PAPOLG: variants seen among roughly 807,000 people sequenced by gnomAD.
The protein encoded by PAPOLG is PAP-gamma.
PAPOLG carries 40 observed loss-of-function variants against 99.0 expected under a neutral mutation model. The ratio of observed to expected loss-of-function variants is 0.40; its 90% CI spans 0.31 to 0.53. The LOEUF (loss-of-function observed/expected upper bound fraction) is 0.53, where lower values mean the gene tolerates loss of function less well. Among genes scored for constraint, PAPOLG ranks in the 20% least tolerant of loss-of-function variants. PAPOLG has a pLI of 0.41. For missense variants in PAPOLG, 675 were observed against 884.1 expected (o/e 0.76, Z 3.00); for synonymous variants, 310 against 299.3 (o/e 1.04, Z -0.37).
At chr2:60,789,816 G>A (rs559056582) in intron 15 of PAPOLG, among the ~76,000 whole-genome samples, 5 of 152,196 alleles carry the variant, frequency 3.3e-5, no homozygotes, top group East Asian at 1.9e-4. Context: ...CTGGCTGGGC[G>A]TGGTGGCTCA....
chr2:60,785,264 A>G (rs983460890), intron 13 of PAPOLG, among the ~76,000 whole-genome samples: 1 of 151,904 alleles, frequency 6.6e-6, no homozygotes, highest in African/African-American at 2.4e-5. Flanking sequence ...TCAGCCTGGC[A>G]AGCAGCTGGG....
chr2:60,763,594 C>G (rs1318634136), intron 3 of PAPOLG, among the ~76,000 whole-genome samples: 2 of 152,160 alleles, frequency 1.3e-5, no homozygotes, highest in East Asian at 3.8e-4. Context: ...GCCTCTACCT[C>G]CCAGGTTCAA....
In PAPOLG at chr2:60,782,653, C is replaced by CTT. The variant is rs747526129; in HGVS notation, c.1028-9_1028-8dup. ...GTCCCTTTTCAAAATCATTCTTCTTCTTTTTTTTTTTTTTTTTTTTTTTTT... is the reference window on the plus strand; with the variant it reads ...GTCCCTTTTCAAAATCATTCTTCTTCTTTTTTTTTTTTTTTTTTTTTTTTTTT... On this transcript the variant is annotated intron_variant, in intron 11 of 21. Transcript: ENST00000238714. 4.7e-3 allele frequency: 5,014 copies of CTT among 1,059,908 alleles called. 8 individuals are homozygous for CTT. The highest frequency in any genetic ancestry group is 0.012 in the African/African-American group (468 of 37,522). The allele number at this position is 1,059,908 out of a possible 1,614,324, so 65.7% of individuals were successfully genotyped here.
chr2:60,796,656 C>T (rs1671714503), intron 21 of PAPOLG, among the ~76,000 whole-genome samples: 1 of 152,108 alleles, frequency 6.6e-6, no homozygotes, highest in Non-Finnish European at 1.5e-5. Flanking sequence ...AAATTTTTCT[C>T]TACTGCACAC....
rs1057478360 is a variant in PAPOLG, at chr2:60,800,514, G to C, written c.*3354G>C. On this transcript the variant is annotated 3_prime_UTR_variant, in exon 22 of 22. Transcript: ENST00000238714. Reference sequence around the variant, plus strand: ...ATGAATTTTAAAAATCTATGTTAGTGTTTAAAATGAGTGCTTTGTTTTAAA... The same window carrying C: ...ATGAATTTTAAAAATCTATGTTAGTCTTTAAAATGAGTGCTTTGTTTTAAA... 2.6e-5 allele frequency: 4 copies of C among 152,300 alleles called. No homozygotes were observed. The highest frequency in any genetic ancestry group is 9.7e-5 in the African/African-American group (4 of 41,442). The allele number at this position is 152,300 out of a possible 1,614,324, so 9.4% of individuals were successfully genotyped here. A position where few individuals can be genotyped will look rare whatever the true frequency, so the allele number is the denominator to read the frequency against.
rs200012586 is a variant in PAPOLG at position 60,786,683 on chromosome 2, C to T, written c.1167-264C>T. Among the ~76,000 whole-genome samples the T allele has an allele frequency of 5.3e-5, 8 of 152,204 alleles. No homozygotes were observed. In the East Asian group the frequency reaches 1.3e-3, roughly 26 times the overall value. On this transcript the variant is annotated intron_variant, in intron 13 of 21. Coordinates refer to ENST00000238714, the MANE Select transcript of PAPOLG (RefSeq NM_022894.4). ...AGCTGGGATTACAGGCACTCACCAC[C>T]ACACCCAGCTAATTTTTTGTATTTT...
At chr2:60,778,898 G>A (rs568494865) in intron 8 of PAPOLG, among the ~76,000 whole-genome samples, 7 of 151,816 alleles carry the variant, frequency 4.6e-5, no homozygotes, top group East Asian at 1.9e-4. Context: ...TCTTTTGCTC[G>A]CTTGGCGGGA....
Position 60,801,195 on chromosome 2 carries a change from T to A in PAPOLG, c.*4035T>A, listed in dbSNP as rs1222074657. ...ATGAAAACTCTCTTGCTCCTCCATG[T>A]TTGTAGTTCAGGCCAGAACAAACTA... On this transcript the variant is annotated 3_prime_UTR_variant, in exon 22 of 22. Coordinates refer to ENST00000238714, the MANE Select transcript of PAPOLG (RefSeq NM_022894.4). The A allele has an allele frequency of 6.6e-6, 1 of 152,232 alleles. No individual in the cohort carries two copies. Among genetic ancestry groups the A allele is most frequent in the Non-Finnish European group, 1.5e-5 (1 of 68,012 alleles). 9.4% of individuals were successfully genotyped at this position (152,232 alleles called of 1,614,324 possible). A position where few individuals can be genotyped will look rare whatever the true frequency, so the allele number is the denominator to read the frequency against.
At chr2:60,793,391 C>T (rs1433495419) in intron 17 of PAPOLG, among the ~76,000 whole-genome samples, 1 of 151,420 alleles carries the variant, frequency 6.6e-6, no homozygotes, top group Non-Finnish European at 1.5e-5. Context: ...GATCCTGTCT[C>T]CACAAAAATA....
intron 3 of PAPOLG, among the ~76,000 whole-genome samples, chr2:60,763,134 G>A (rs922018478): frequency 6.6e-6 from 1 of 151,648 alleles, no homozygotes; most frequent in Non-Finnish European, 1.5e-5. Context: ...CAGTACAGTG[G>A]CACAGTTACA....
At chr2:60,782,660 T>TC in intron 11 of PAPOLG, 26 bp from the exon 12 acceptor site, 1 of 1,345,300 alleles carries the variant, frequency 7.4e-7, no homozygotes, top group Admixed American at 3.6e-5. Context: ...CTTCTTTTTT[T>TC]TTTTTTTTTT....
At chr2:60,781,772 TGAG>T in intron 10 of PAPOLG, 110 bp from the exon 11 acceptor site, 1 of 1,409,744 alleles carries the variant, frequency 7.1e-7, no homozygotes, top group Non-Finnish European at 9.7e-7. Flanking sequence ...TTCTTAAACT[TGAG>T]GAAATGTAGT....
Position 60,800,742 on chromosome 2 carries a change from T to C in PAPOLG, c.*3582T>C, listed in dbSNP as rs1399156784. On this transcript the variant is annotated 3_prime_UTR_variant, in exon 22 of 22. Coordinates refer to ENST00000238714, the MANE Select transcript of PAPOLG (RefSeq NM_022894.4). Reference sequence around the variant, plus strand: ...AGTTCTAGTTTACATGCATTTTTCTTGGGGAAAGTGCATAGTTTAGATCAG... The same window carrying C: ...AGTTCTAGTTTACATGCATTTTTCTCGGGGAAAGTGCATAGTTTAGATCAG... 1 of 152,210 alleles carries C rather than the reference T, an allele frequency of 6.6e-6. No homozygotes were observed. Among genetic ancestry groups the C allele is most frequent in the East Asian group, 1.9e-4 (1 of 5,246 alleles). The allele number at this position is 152,210 out of a possible 1,614,324, so 9.4% of individuals were successfully genotyped here. A position where few individuals can be genotyped will look rare whatever the true frequency, so the allele number is the denominator to read the frequency against.
At position 60,799,604 on chromosome 2, in the gene PAPOLG, G is replaced by GTTTGT. The variant is rs57528783; in HGVS notation, c.*2477_*2481dup. The GTTTGT allele has an allele frequency of 0.11, 16,240 of 150,264 alleles. 1,141 individuals are homozygous for GTTTGT. Among genetic ancestry groups the GTTTGT allele is most frequent in the African/African-American group, 0.19 (7,896 of 40,696 alleles). 9.3% of individuals were successfully genotyped at this position (150,264 alleles called of 1,614,324 possible). On this transcript the variant is annotated 3_prime_UTR_variant, in exon 22 of 22. Coordinates refer to ENST00000238714, the MANE Select transcript of PAPOLG (RefSeq NM_022894.4). ...ATGATGAGAGGCACTAAGTACATGTGTTTGTTTTGTTTTGTTTTGTTTTGT... is the reference window on the plus strand; with the variant it reads ...ATGATGAGAGGCACTAAGTACATGTGTTTGTTTTGTTTTGTTTTGTTTTGTTTTGT...
chr2:60,793,294 C>T (rs939210958), intron 17 of PAPOLG, among the ~76,000 whole-genome samples: 2 of 147,562 alleles, frequency 1.4e-5, no homozygotes, highest in African/African-American at 5.0e-5. Flanking sequence ...TGGTGGGTCA[C>T]ATCTATAATT....
intron 3 of PAPOLG, among the ~76,000 whole-genome samples, chr2:60,764,459 C>T (rs1164114422): frequency 6.6e-6 from 1 of 151,704 alleles, no homozygotes; most frequent in East Asian, 1.9e-4. Flanking sequence ...CTCTGTCACC[C>T]GGGCTGGAAT....
intron 8 of PAPOLG, among the ~76,000 whole-genome samples, chr2:60,775,903 A>G (rs898488169): frequency 5.9e-5 from 9 of 151,954 alleles, no homozygotes; most frequent in East Asian, 1.9e-4. Flanking sequence ...AGCTGGGATT[A>G]TAGGCACGCA....
chr2:60,783,142 T>C lies in PAPOLG; in HGVS notation c.1113-14T>C, dbSNP rs1024293456. The C allele has an allele frequency of 1.9e-6, 3 of 1,554,998 alleles. No homozygotes were observed. Among genetic ancestry groups the C allele is most frequent in the Non-Finnish European group, 2.6e-6 (3 of 1,156,310 alleles). On this transcript the variant is annotated splice_polypyrimidine_tract_variant and intron_variant, in intron 12 of 21. Transcript: ENST00000238714. Reference sequence around the variant, plus strand: ...TCTGGCTTTTTTTCCTGATTGTTGCTGAAAATTCTTCAGACATTATATAGT... The same window carrying C: ...TCTGGCTTTTTTTCCTGATTGTTGCCGAAAATTCTTCAGACATTATATAGT...
intron 3 of PAPOLG, among the ~76,000 whole-genome samples, chr2:60,763,210 G>A (rs1352271946): frequency 6.6e-6 from 1 of 151,966 alleles, no homozygotes; most frequent in African/African-American, 2.4e-5. Context: ...CTGAATAGCT[G>A]GAACTGTAGG....
Sources: allele counts gnomAD v4.1 joint callset (sites outside exome capture counted in the v4.1 genomes callset), GRCh38; gene constraint gnomAD v4.1.1; transcripts MANE v1.5; gene names NCBI Gene and HGNC (gene_info 2026-07-23, HGNC 2026-07-21).